The following CRPPA variants were observed in gnomAD, a reference collection of about 807,000 sequenced individuals.
The protein encoded by CRPPA is D-ribitol-5-phosphate cytidylyltransferase.
In CRPPA, 43 loss-of-function variants were observed where a neutral mutation model predicts 52.0. The observed-to-expected ratio is 0.83, with a 90% confidence interval of 0.65 to 1.07. CRPPA has a LOEUF of 1.07. Among genes scored for constraint, CRPPA ranks in the 50% least tolerant of loss-of-function variants. The probability of loss-of-function intolerance (pLI) is 0.00; values close to 1 mark genes in which losing one functional copy is unlikely to be tolerated. For synonymous variants in CRPPA, 250 were observed against 203.5 expected, an observed-to-expected ratio of 1.23 and a Z score of -1.94; for missense variants, 629 against 551.7, an observed-to-expected ratio of 1.14 and a Z score of -1.40.
In CRPPA at chr7:16,091,194, A is replaced by G. The variant is rs1316483014; in HGVS notation, c.*501T>C. Reference sequence around the variant, plus strand: ...AGTTCCGTTCCCTGGTATCCCACTCACCCTTTTTTATTAAAGTGTAGACAT... The same window carrying G: ...AGTTCCGTTCCCTGGTATCCCACTCGCCCTTTTTTATTAAAGTGTAGACAT... On this transcript the variant is annotated 3_prime_UTR_variant, in exon 10 of 10. Transcript: ENST00000407010. The G allele has an allele frequency of 6.5e-6, 1 of 152,804 alleles. No homozygotes were observed. Among genetic ancestry groups the G allele is most frequent in the Non-Finnish European group, 1.5e-5 (1 of 68,494 alleles). The allele number at this position is 152,804 out of a possible 1,614,324, so 9.5% of individuals were successfully genotyped here.
rs149389406 is a variant in CRPPA at position 16,360,126 on chromosome 7, G to A, written c.684+15966C>T. ...CGTCTTGTTAAGACATGATTCCTAC[G>A]GAACAAGTGTGAACTAGGATAAAAG... On this transcript the variant is annotated intron_variant, in intron 3 of 9. Coordinates refer to ENST00000407010, the MANE Select transcript of CRPPA (RefSeq NM_001101426.4). 1.6e-4 allele frequency among the ~76,000 whole-genome samples: 25 copies of A among 152,248 alleles called. 1 individual carries two copies. In the East Asian group the frequency reaches 3.7e-3, roughly 22 times the overall value.
intron 3 of CRPPA, among the ~76,000 whole-genome samples, chr7:16,324,269 G>A (rs1199610264): frequency 6.6e-6 from 1 of 152,202 alleles, no homozygotes; most frequent in Non-Finnish European, 1.5e-5. Context: ...CCATATTACA[G>A]ACAGCTGCAG....
At chr7:16,185,439 C>T (rs939335968) in intron 9 of CRPPA, among the ~76,000 whole-genome samples, 1 of 152,108 alleles carries the variant, frequency 6.6e-6, no homozygotes, top group Non-Finnish European at 1.5e-5. Flanking sequence ...ATCACCATGG[C>T]TCATTTTACT....
intron 9 of CRPPA, among the ~76,000 whole-genome samples, chr7:16,182,703 T>G (rs1177593527): frequency 6.6e-6 from 1 of 152,136 alleles, no homozygotes; most frequent in Admixed American, 6.5e-5. Context: ...TCCCCAATTC[T>G]CACTTTGAGG....
intron 9 of CRPPA, among the ~76,000 whole-genome samples, chr7:16,134,723 T>C (rs1170372485): frequency 5.9e-5 from 9 of 152,196 alleles, no homozygotes; most frequent in Admixed American, 5.2e-4. Flanking sequence ...AGAAATGACC[T>C]AAAAATATGG....
rs1562608262 is a variant in CRPPA, at chr7:16,286,034, AAAAAATATAAATATATATATAT to A, written c.836-7830_836-7809del. ...AAACTCCATCTCAAAAAAAAAAAAA[AAAAAATATAAATATATATATAT>A]ATATATATATATATATATATATATA... On this transcript the variant is annotated intron_variant, in intron 5 of 9. Transcript: ENST00000407010. Among the ~76,000 whole-genome samples the A allele has an allele frequency of 3.7e-4, 8 of 21,358 alleles. 1 individual carries two copies. The highest frequency in any genetic ancestry group is 1.9e-3 in the African/African-American group (6 of 3,202). 14.0% of individuals were successfully genotyped at this position (21,358 alleles called of 152,430 possible). A position where few individuals can be genotyped will look rare whatever the true frequency, so the allele number is the denominator to read the frequency against.
intron 9 of CRPPA, among the ~76,000 whole-genome samples, chr7:16,122,810 C>T (rs1321900271): frequency 1.3e-5 from 2 of 151,890 alleles, no homozygotes; most frequent in Non-Finnish European, 2.9e-5. Flanking sequence ...TGGAAGAAGC[C>T]GGAGGGCTTG....
At chr7:16,257,664 A>C (rs545779160) in intron 8 of CRPPA, among the ~76,000 whole-genome samples, 3 of 152,240 alleles carry the variant, frequency 2.0e-5, no homozygotes, top group Admixed American at 2.0e-4. Context: ...CCTGAGCTTT[A>C]GGAACTTCGA....
intron 3 of CRPPA, among the ~76,000 whole-genome samples, chr7:16,317,444 G>T (rs1583514460): frequency 6.6e-6 from 1 of 152,170 alleles, no homozygotes; most frequent in African/African-American, 2.4e-5. Flanking sequence ...TCTGATGGTT[G>T]TGTAGAGGCA....
At chr7:16,270,257 C>T (rs1326822572) in intron 6 of CRPPA, 1 of 151,940 alleles carries the variant, frequency 6.6e-6, no homozygotes, top group African/African-American at 2.4e-5. Flanking sequence ...ATGCAAAAGA[C>T]CATTTTTACA....
intron 8 of CRPPA, among the ~76,000 whole-genome samples, chr7:16,222,987 A>G (rs976750124): frequency 2.6e-5 from 4 of 152,094 alleles, no homozygotes. Context: ...TAAATACACA[A>G]TACATTAACT....
At position 16,173,335 on chromosome 7, in the gene CRPPA, A is replaced by T. The variant is rs11971602; in HGVS notation, c.1251+42731T>A. Among the ~76,000 whole-genome samples the T allele has an allele frequency of 6.5e-3, 986 of 152,316 alleles. 12 individuals carry two copies. Among genetic ancestry groups the T allele is most frequent in the African/African-American group, 0.023 (944 of 41,570 alleles). ...TTTATGTTTGAGACCTAAACCTAGA[A>T]CAATCACTATACTTAATAATATGGC... On this transcript the variant is annotated intron_variant, in intron 9 of 9. Coordinates refer to ENST00000407010, the MANE Select transcript of CRPPA (RefSeq NM_001101426.4).
chr7:16,272,045 A>C (rs1784101163), intron 6 of CRPPA, among the ~76,000 whole-genome samples: 1 of 152,228 alleles, frequency 6.6e-6, no homozygotes, highest in Admixed American at 6.5e-5. Context: ...ACTGGGAAGA[A>C]GTGAGAGAGG....
At chr7:16,308,668 C>A (rs201759747) in intron 3 of CRPPA, 41 bp from the exon 4 acceptor site, 10 of 1,198,500 alleles carry the variant, frequency 8.3e-6, no homozygotes, top group Non-Finnish European at 9.8e-6. Flanking sequence ...AGCTAAAATG[C>A]GATTTTAAGT....
chr7:16,350,658 C>T lies in CRPPA; in HGVS notation c.684+25434G>A, dbSNP rs113093287. On this transcript the variant is annotated intron_variant, in intron 3 of 9. Transcript: ENST00000407010. Reference sequence around the variant, plus strand: ...TCCAAAGCATACTACTACAGAAAACCATCAAACCACAAATGAAGCAAGCAA... The same window carrying T: ...TCCAAAGCATACTACTACAGAAAACTATCAAACCACAAATGAAGCAAGCAA... Among the ~76,000 whole-genome samples the T allele has an allele frequency of 2.5e-3, 380 of 152,090 alleles. 1 individual carries two copies. Among genetic ancestry groups the T allele is most frequent in the Non-Finnish European group, 3.9e-3 (268 of 67,964 alleles).
chr7:16,185,961 CTTAATG>C (rs776425819), intron 9 of CRPPA, among the ~76,000 whole-genome samples: 1 of 152,136 alleles, frequency 6.6e-6, no homozygotes, highest in Non-Finnish European at 1.5e-5. Context: ...ATTCACACAT[CTTAATG>C]TTCAGAGCAG....
chr7:16,410,566 T>A (rs538518211), intron 1 of CRPPA, among the ~76,000 whole-genome samples: 34 of 152,218 alleles, frequency 2.2e-4, no homozygotes, highest in Admixed American at 6.5e-4. Context: ...CTTAACCCAA[T>A]ACAATCCATT....
chr7:16,409,765 AT>A (rs11323063), intron 1 of CRPPA, among the ~76,000 whole-genome samples: 1,993 of 152,332 alleles, frequency 0.013, 56 homozygotes, highest in African/African-American at 0.046. Flanking sequence ...ACTTTTTTCT[AT>A]ACTACCATCT....
chr7:16,397,871 G>A (rs111752871), intron 2 of CRPPA, among the ~76,000 whole-genome samples: 1 of 152,228 alleles, frequency 6.6e-6, no homozygotes, highest in Non-Finnish European at 1.5e-5. Context: ...CAACACGTGT[G>A]TAACACGTGA....
Sources: allele counts gnomAD v4.1 joint callset (sites outside exome capture counted in the v4.1 genomes callset), GRCh38; gene constraint gnomAD v4.1.1; transcripts MANE v1.5; gene names NCBI Gene and HGNC (gene_info 2026-07-23, HGNC 2026-07-21).